CCDC39: variants seen among roughly 807,000 people sequenced by gnomAD.
CCDC39 encodes coiled-coil domain 39 molecular ruler complex subunit.
CCDC39 carries 113 observed loss-of-function variants against 121.0 expected under a neutral mutation model. That is an observed-to-expected ratio of 0.93 (90% CI 0.80 to 1.09). CCDC39 has a LOEUF of 1.09. CCDC39 is among the 50% of genes least tolerant of loss of function. CCDC39 has a pLI of 0.00. For missense variants in CCDC39, 1,063 were observed against 1,074.7 expected, an observed-to-expected ratio of 0.99 and a Z score of 0.15; for synonymous variants, 349 against 352.2, an observed-to-expected ratio of 0.99 and a Z score of 0.10.
At chr3:180,640,251 A>C (rs1370829319) in intron 13 of CCDC39, among the ~76,000 whole-genome samples, 1 of 152,106 alleles carries the variant, frequency 6.6e-6, no homozygotes, top group Non-Finnish European at 1.5e-5. Context: ...TAAAAAGTAA[A>C]GTCTATGACA....
At chr3:180,643,145 G>A (rs535642123) in intron 12 of CCDC39, among the ~76,000 whole-genome samples, 1 of 152,106 alleles carries the variant, frequency 6.6e-6, no homozygotes, top group South Asian at 2.1e-4. Context: ...ATTTTTAGTA[G>A]AGATGGGGTT....
At chr3:180,617,531 G>C in intron 16 of CCDC39, 1 of 634,978 alleles carries the variant, frequency 1.6e-6, no homozygotes, top group Non-Finnish European at 2.9e-6. Context: ...ATATGGAGGT[G>C]GAAGACAGTG....
At chr3:180,644,724 A>T (rs1190746201) in intron 11 of CCDC39, among the ~76,000 whole-genome samples, 1 of 152,228 alleles carries the variant, frequency 6.6e-6, no homozygotes, top group African/African-American at 2.4e-5. Context: ...TTATATAAAT[A>T]GTTGTTACAC....
At chr3:180,620,065 T>C in intron 14 of CCDC39, 95 bp from the exon 15 acceptor site, 1 of 940,698 alleles carries the variant, frequency 1.1e-6, no homozygotes, top group Non-Finnish European at 1.5e-6. Flanking sequence ...AGTTGACTTG[T>C]GACAATAACA....
Position 180,614,903 on chromosome 3 carries a change from C to T in CCDC39, c.*18G>A. The T allele has an allele frequency of 6.5e-7, 1 of 1,539,468 alleles. No homozygotes were observed. The highest frequency in any genetic ancestry group is 8.8e-7 in the Non-Finnish European group (1 of 1,141,206). On this transcript the variant is annotated 3_prime_UTR_variant, in exon 20 of 20. Transcript: ENST00000476379. The stretch of plus-strand genomic sequence containing the variant: ...TTTGTTTTTGTGTTTACAACTTTTT[C>T]AGAAGAGATTAAAATGTTTATTTGC...
chr3:180,654,053 CA>C (rs578183788), intron 7 of CCDC39, among the ~76,000 whole-genome samples: 131 of 124,274 alleles, frequency 1.1e-3, no homozygotes, highest in Middle Eastern at 7.9e-3. Flanking sequence ...ACTGTACTGG[CA>C]AAAAAAAAAA....
Position 180,654,953 on chromosome 3 carries a change from C to A in CCDC39, c.739G>T (p.Glu247Ter). The A allele has an allele frequency of 1.3e-6, 2 of 1,522,840 alleles. No homozygotes were observed. Among genetic ancestry groups the A allele is most frequent in the South Asian group, 1.3e-5 (1 of 75,008 alleles). The allele number at this position is 1,522,840 out of a possible 1,614,324, so 94.3% of individuals were successfully genotyped here. A position where few individuals can be genotyped will look rare whatever the true frequency, so the allele number is the denominator to read the frequency against. ...GTTTCCTGCTTTATCCTTGCTAATT[C>A]CTAGGATTAAAACAAATATGTTTAC... The part of the protein sequence containing the change: ...RDGDIDNCAL[E>*]LARIKQETRE... Residue 247 changes from glutamate (E) to a stop codon, truncating the protein, a stop_gained and splice_region_variant, in exon 7 of 20, where the codon GAA (glutamate) becomes TAA (stop). Transcript: ENST00000476379. LOFTEE classifies it high-confidence loss of function.
intron 14 of CCDC39, among the ~76,000 whole-genome samples, chr3:180,620,829 G>A (rs540904974): frequency 6.6e-6 from 1 of 152,026 alleles, no homozygotes; most frequent in South Asian, 2.1e-4. Flanking sequence ...TGGGTATATT[G>A]TGTAGTGGTG....
At chr3:180,669,262 GGT>G (rs1711968178) in intron 1 of CCDC39, among the ~76,000 whole-genome samples, 1 of 151,890 alleles carries the variant, frequency 6.6e-6, no homozygotes, top group African/African-American at 2.4e-5. Context: ...TTTTTAGTAT[GGT>G]AGGGCAAAAC....
chr3:180,628,713 G>A (rs538880594), intron 14 of CCDC39, among the ~76,000 whole-genome samples: 1 of 152,304 alleles, frequency 6.6e-6, no homozygotes, highest in Admixed American at 6.5e-5. Flanking sequence ...ATGAATAAGT[G>A]TATGTATTTT....
In CCDC39 at chr3:180,659,783, A is replaced by G; in HGVS notation, c.517-14T>C. 1 of 1,517,844 alleles carries G rather than the reference A, an allele frequency of 6.6e-7. No individual in the cohort carries two copies. The highest frequency in any genetic ancestry group is 9.1e-7 in the Non-Finnish European group (1 of 1,100,534). The allele number at this position is 1,517,844 out of a possible 1,614,324, so 94.0% of individuals were successfully genotyped here. Reference sequence around the variant, plus strand: ...CAGAGTCAGTGCCTATGATGTAATTATATACAGATACTTATAATTCTCATT... The same window carrying G: ...CAGAGTCAGTGCCTATGATGTAATTGTATACAGATACTTATAATTCTCATT... On this transcript the variant is annotated splice_polypyrimidine_tract_variant and intron_variant, in intron 4 of 19. Transcript: ENST00000476379.
chr3:180,658,089 A>G (rs1711628424), intron 6 of CCDC39, among the ~76,000 whole-genome samples: 1 of 151,722 alleles, frequency 6.6e-6, no homozygotes, highest in South Asian at 2.1e-4. Context: ...AACTACAAAA[A>G]TTAGCTGGGC....
chr3:180,631,246 G>C (rs1436485239), intron 14 of CCDC39, among the ~76,000 whole-genome samples: 2 of 135,460 alleles, frequency 1.5e-5, no homozygotes, highest in Non-Finnish European at 1.7e-5. Flanking sequence ...TCACGGACTA[G>C]AGGTATATAG....
In CCDC39 at chr3:180,654,667, T is replaced by C. The variant is rs1401334; in HGVS notation, c.930+95A>G. 138,135 of 642,642 alleles carry C rather than the reference T, an allele frequency of 0.21. 19,403 individuals are homozygous for C. The highest frequency in any genetic ancestry group is 0.52 in the African/African-American group (26,249 of 50,204). The allele number at this position is 642,642 out of a possible 1,614,324, so 39.8% of individuals were successfully genotyped here. A position where few individuals can be genotyped will look rare whatever the true frequency, so the allele number is the denominator to read the frequency against. On this transcript the variant is annotated intron_variant, in intron 7 of 19. Coordinates refer to ENST00000476379, the MANE Select transcript of CCDC39 (RefSeq NM_181426.2). ...AAGGAAAAAAAAAAAAAACTAGAAG[T>C]AGTTTCTTTATCACAGGAAAAGCTT...
At position 180,660,553 on chromosome 3, in the gene CCDC39, A is replaced by G; in HGVS notation, c.516+17T>C. ...GAGTTAGAGAAAACCTAACAGTTAC[A>G]ATTTGTAATTTCTCACCCTGATTTT... On this transcript the variant is annotated intron_variant, in intron 4 of 19. Coordinates refer to ENST00000476379, the MANE Select transcript of CCDC39 (RefSeq NM_181426.2). The G allele has an allele frequency of 1.3e-6, 2 of 1,551,650 alleles. No homozygotes were observed. Among genetic ancestry groups the G allele is most frequent in the Non-Finnish European group, 8.8e-7 (1 of 1,142,454 alleles).
At chr3:180,630,579 G>A (rs1717669024) in intron 14 of CCDC39, among the ~76,000 whole-genome samples, 1 of 152,148 alleles carries the variant, frequency 6.6e-6, no homozygotes. Context: ...GTGAGTCAAA[G>A]TTACAAGTTC....
At chr3:180,629,320 C>A (rs1717639505) in intron 14 of CCDC39, among the ~76,000 whole-genome samples, 1 of 152,218 alleles carries the variant, frequency 6.6e-6, no homozygotes, top group South Asian at 2.1e-4. Flanking sequence ...ATCTTTTCTA[C>A]AGAGCAGAGT....
In CCDC39 at chr3:180,658,290, A is replaced by T. The variant is rs1711637178; in HGVS notation, c.738+1162T>A. On this transcript the variant is annotated intron_variant, in intron 6 of 19. Coordinates refer to ENST00000476379, the MANE Select transcript of CCDC39 (RefSeq NM_181426.2). Reference sequence around the variant, plus strand: ...AATTAAAAGAACCTCCTTAAAAAAAAAAAAAAAGAATTAAGAGAACCTCTG... The same window carrying T: ...AATTAAAAGAACCTCCTTAAAAAAATAAAAAAAGAATTAAGAGAACCTCTG... Among the ~76,000 whole-genome samples, 3 of 150,798 alleles carry T rather than the reference A, an allele frequency of 2.0e-5. No individual in the cohort carries two copies. The South Asian group carries it at 6.3e-4, about 32-fold the overall frequency.
chr3:180,648,564 G>A (rs1314873908), intron 9 of CCDC39, among the ~76,000 whole-genome samples: 1 of 151,954 alleles, frequency 6.6e-6, no homozygotes, highest in African/African-American at 2.4e-5. Flanking sequence ...TAGCTTTTAC[G>A]CCCGTGTCAT....
Sources: allele counts gnomAD v4.1 joint callset (sites outside exome capture counted in the v4.1 genomes callset), GRCh38; gene constraint gnomAD v4.1.1; transcripts MANE v1.5; gene names NCBI Gene and HGNC (gene_info 2026-07-23, HGNC 2026-07-21).